Variants in AP3S2 observed in about 807,000 individuals in gnomAD.
AP3S2 encodes adaptor related protein complex 3 subunit sigma 2.
AP3S2 carries 22 observed loss-of-function variants against 23.4 expected under a neutral mutation model. The ratio of observed to expected loss-of-function variants is 0.94; its 90% CI spans 0.67 to 1.34. AP3S2 has a LOEUF of 1.34. AP3S2 is among the 40% of genes most tolerant of loss of function. AP3S2 has a pLI of 0.00. For synonymous variants in AP3S2, 86 were observed against 87.1 expected (o/e 0.99, Z 0.07); for missense variants, 241 against 236.9 (o/e 1.02, Z -0.11).
At chr15:89,858,527 A>AGAGAGAGAG (rs1895918948) in intron 4 of AP3S2, among the ~76,000 whole-genome samples, 2 of 40,250 alleles carry the variant, frequency 5.0e-5, no homozygotes, top group African/African-American at 7.5e-5. Context: ...GAGAGAGAGA[A>AGAGAGAGAG]AGAAAGAAAG....
intron 4 of AP3S2, among the ~76,000 whole-genome samples, chr15:89,841,818 G>A (rs1267755229): frequency 6.6e-6 from 1 of 151,996 alleles, no homozygotes; most frequent in South Asian, 2.1e-4. Flanking sequence ...TTAAAGATAA[G>A]TATACAAAAA....
chr15:89,871,335 T>C, intron 4 of AP3S2, 140 bp downstream of exon 4: 1 of 727,204 alleles, frequency 1.4e-6, no homozygotes, highest in African/African-American at 1.8e-5. Flanking sequence ...TTAAATCTAT[T>C]AAATAAAACA....
chr15:89,889,223 G>A lies in AP3S2; in HGVS notation c.70-83C>T, dbSNP rs540092504. ...CATGGGGATGGACAAGGGAAGAAGT[G>A]TTTCTAAGCTGGGAACATCTAAACA... On this transcript the variant is annotated intron_variant, in intron 1 of 5. Transcript: ENST00000336418. The A allele has an allele frequency of 6.8e-6, 10 of 1,466,844 alleles. No homozygotes were observed. The Admixed American group carries it at 1.4e-4, about 21-fold the overall frequency. 90.9% of individuals were successfully genotyped at this position (1,466,844 alleles called of 1,614,324 possible). A position where few individuals can be genotyped will look rare whatever the true frequency, so the allele number is the denominator to read the frequency against.
At chr15:89,855,945 T>TAAAA (rs34784306) in intron 4 of AP3S2, among the ~76,000 whole-genome samples, 3 of 111,954 alleles carry the variant, frequency 2.7e-5, no homozygotes, top group Admixed American at 9.7e-5. Context: ...ATATGTCCTT[T>TAAAA]AAAAAAAAAA....
intron 1 of AP3S2, chr15:89,893,620 A>T: frequency 2.0e-6 from 1 of 505,492 alleles, no homozygotes; most frequent in Non-Finnish European, 3.5e-6. Context: ...GTTCCCAGAG[A>T]CCCACGGGAA....
intron 4 of AP3S2, among the ~76,000 whole-genome samples, chr15:89,866,261 CAA>C (rs368571089): frequency 1.1e-5 from 1 of 87,710 alleles, no homozygotes. Flanking sequence ...GACTCCGTCT[CAA>C]AAAAAAAAAA....
chr15:89,858,232 G>A (rs1895887478), intron 4 of AP3S2, among the ~76,000 whole-genome samples: 1 of 151,870 alleles, frequency 6.6e-6, no homozygotes, highest in Non-Finnish European at 1.5e-5. Context: ...GAGGTTGGGA[G>A]TTTGAGACCA....
At chr15:89,860,911 C>G (rs1336121219) in intron 4 of AP3S2, among the ~76,000 whole-genome samples, 1 of 152,168 alleles carries the variant, frequency 6.6e-6, no homozygotes, top group African/African-American at 2.4e-5. Flanking sequence ...AACTAAAACT[C>G]AAACAGAATA....
intron 3 of AP3S2, 67 bp from the exon 4 acceptor site, chr15:89,871,613 C>T: frequency 6.6e-7 from 1 of 1,524,986 alleles, no homozygotes; most frequent in Non-Finnish European, 9.0e-7. Context: ...ATCAATGTCA[C>T]ATCTGAAAGT....
rs112701739 is a variant in AP3S2, at chr15:89,849,678, CT to C, written c.346-11957del. On this transcript the variant is annotated intron_variant, in intron 4 of 5. Coordinates refer to ENST00000336418, the MANE Select transcript of AP3S2 (RefSeq NM_005829.5). Reference sequence around the variant, plus strand: ...CACTGCGCCCAGCCTATGAATTGTACTTTTTTAAAAAAAAATTATACTTTAA... The same window carrying C: ...CACTGCGCCCAGCCTATGAATTGTACTTTTTAAAAAAAAATTATACTTTAA... Among the ~76,000 whole-genome samples the C allele has an allele frequency of 5.3e-3, 812 of 152,176 alleles. 7 individuals are homozygous for C. The highest frequency in any genetic ancestry group is 8.0e-3 in the Non-Finnish European group (545 of 68,002).
intron 4 of AP3S2, among the ~76,000 whole-genome samples, chr15:89,850,453 A>T (rs1420804543): frequency 6.6e-6 from 1 of 152,238 alleles, no homozygotes; most frequent in East Asian, 1.9e-4. Flanking sequence ...AATCACTCTA[A>T]GCACTCTACG....
chr15:89,844,199 TTCTTTCTTTC>T (rs1271325584), intron 4 of AP3S2, among the ~76,000 whole-genome samples: 18 of 135,292 alleles, frequency 1.3e-4, no homozygotes, highest in South Asian at 4.6e-4. Flanking sequence ...AAAACCCTCT[TTCTTTCTTTC>T]TCTTTCTTTC....
chr15:89,842,412 G>T (rs1241583426), intron 4 of AP3S2, among the ~76,000 whole-genome samples: 4 of 152,118 alleles, frequency 2.6e-5, no homozygotes, highest in Non-Finnish European at 5.9e-5. Context: ...GTATCCCAGG[G>T]GAAACAAATT....
intron 4 of AP3S2, among the ~76,000 whole-genome samples, chr15:89,843,136 C>T (rs1895372967): frequency 6.6e-6 from 1 of 151,890 alleles, no homozygotes; most frequent in Non-Finnish European, 1.5e-5. Context: ...AGGCATGTGC[C>T]ACCACGCCTG....
chr15:89,865,918 C>T lies in AP3S2; in HGVS notation c.345+5557G>A, dbSNP rs80152441. On this transcript the variant is annotated intron_variant, in intron 4 of 5. Coordinates refer to ENST00000336418, the MANE Select transcript of AP3S2 (RefSeq NM_005829.5). ...AAATGGGTGATTCTTACAAATAACA[C>T]GGAGCAAAGAAGGTAAAACACAAAA... Among the ~76,000 whole-genome samples, 328 of 152,156 alleles carry T rather than the reference C, an allele frequency of 2.2e-3. 1 individual carries two copies. The highest frequency in any genetic ancestry group is 7.3e-3 in the African/African-American group (301 of 41,492).
chr15:89,851,069 G>A (rs1348155744), intron 4 of AP3S2, among the ~76,000 whole-genome samples: 1 of 152,160 alleles, frequency 6.6e-6, no homozygotes, highest in African/African-American at 2.4e-5. Flanking sequence ...ATCACAGATT[G>A]TTAAGAGCTG....
intron 3 of AP3S2, among the ~76,000 whole-genome samples, chr15:89,885,736 G>C (rs1349457475): frequency 4.6e-5 from 7 of 151,448 alleles, no homozygotes; most frequent in Admixed American, 3.9e-4. Context: ...GAGCTGAGAT[G>C]TTCGAGACCA....
At chr15:89,849,611 C>T (rs886876755) in intron 4 of AP3S2, among the ~76,000 whole-genome samples, 5 of 152,090 alleles carry the variant, frequency 3.3e-5, no homozygotes, top group Non-Finnish European at 5.9e-5. Flanking sequence ...TAGTGATCTG[C>T]CCACCTTGGC....
rs1596224148 is a variant in AP3S2, at chr15:89,888,542, A to G, written c.252T>C (p.Leu84=). The stretch of plus-strand genomic sequence containing the variant: ...ATACCTGGATGAGGTCCAAGATTCC[A>G]AGTTCACTCTCTGAGGAATCCACAC... ...VFCVDSSESE[L]GILDLIQVFV... The change falls in exon 3 of 6, where the codon CTT becomes CTC. Residue 84 remains leucine (L), a synonymous_variant. Transcript: ENST00000336418. The G allele has an allele frequency of 6.2e-7, 1 of 1,614,226 alleles. No individual in the cohort carries two copies.
Sources: allele counts gnomAD v4.1 joint callset (sites outside exome capture counted in the v4.1 genomes callset), GRCh38; gene constraint gnomAD v4.1.1; transcripts MANE v1.5; gene names NCBI Gene and HGNC (gene_info 2026-07-23, HGNC 2026-07-21).